The following XKR6 variants were observed in gnomAD, a reference collection of about 807,000 sequenced individuals.
The protein encoded by XKR6 is XK-related protein 6.
A neutral mutation model predicts 56.7 loss-of-function variants in XKR6; 22 were observed. The ratio of observed to expected loss-of-function variants is 0.39; its 90% CI spans 0.28 to 0.55. The LOEUF is 0.55. XKR6 is among the 20% of genes least tolerant of loss of function. The pLI, the probability that XKR6 is intolerant of heterozygous loss-of-function variation, is 0.66. For synonymous variants in XKR6, 524 were observed against 387.8 expected (o/e 1.35, Z -4.13); for missense variants, 852 against 889.0 (o/e 0.96, Z 0.53).
At chr8:11,039,556 A>C (rs1799231813) in intron 1 of XKR6, among the ~76,000 whole-genome samples, 2 of 152,224 alleles carry the variant, frequency 1.3e-5, no homozygotes, top group Non-Finnish European at 2.9e-5. Flanking sequence ...GGGCCACCAA[A>C]GAACTTGGAA....
intron 1 of XKR6, among the ~76,000 whole-genome samples, chr8:11,185,968 A>G (rs921573183): frequency 4.6e-5 from 7 of 152,196 alleles, no homozygotes; most frequent in African/African-American, 1.7e-4. Context: ...CTATTTCTGT[A>G]CCACCCTCAG....
intron 1 of XKR6, among the ~76,000 whole-genome samples, chr8:11,042,090 T>C (rs1382533077): frequency 6.6e-6 from 1 of 152,154 alleles, no homozygotes. Flanking sequence ...CCTGTCTGAT[T>C]TTCCCGTTTT....
At chr8:10,926,813 C>T (rs756112079) in intron 1 of XKR6, among the ~76,000 whole-genome samples, 1 of 152,206 alleles carries the variant, frequency 6.6e-6, no homozygotes, top group African/African-American at 2.4e-5. Flanking sequence ...GGCCCCTGCC[C>T]GTGAGTTCAC....
At chr8:11,010,688 T>C (rs1035587801) in intron 1 of XKR6, among the ~76,000 whole-genome samples, 2 of 152,222 alleles carry the variant, frequency 1.3e-5, no homozygotes, top group African/African-American at 4.8e-5. Flanking sequence ...TTAAAACAAC[T>C]TTTCCCCCAG....
At chr8:10,970,528 G>A (rs1027236395) in intron 1 of XKR6, among the ~76,000 whole-genome samples, 10 of 151,878 alleles carry the variant, frequency 6.6e-5, no homozygotes, top group African/African-American at 2.4e-4. Context: ...TCACAGCCCA[G>A]AAATGCCCCA....
chr8:11,088,008 C>T (rs1797947269), intron 1 of XKR6, among the ~76,000 whole-genome samples: 1 of 152,212 alleles, frequency 6.6e-6, no homozygotes. Context: ...AGTATTGCCA[C>T]TGTCAGATTG....
In XKR6 at chr8:11,038,540, T is replaced by C. The variant is rs2129154867; in HGVS notation, c.765-113710A>G. ...GTGTGTGTGTGTGTGTGTGTGTGTG[T>C]GTGTGTGTGTTTGAGGCAGGGTCTC... On this transcript the variant is annotated intron_variant, in intron 1 of 2. Transcript: ENST00000416569. Among the ~76,000 whole-genome samples the C allele has an allele frequency of 2.0e-5, 3 of 146,788 alleles. No homozygotes were observed. The South Asian group carries it at 6.4e-4, about 32-fold the overall frequency.
intron 1 of XKR6, among the ~76,000 whole-genome samples, chr8:10,930,133 C>T (rs1801013180): frequency 6.6e-6 from 1 of 152,166 alleles, no homozygotes; most frequent in African/African-American, 2.4e-5. Context: ...TATGGCTCTG[C>T]CCAAGACTGG....
chr8:11,074,787 G>A (rs1181573694), intron 1 of XKR6, among the ~76,000 whole-genome samples: 2 of 152,242 alleles, frequency 1.3e-5, no homozygotes, highest in Non-Finnish European at 2.9e-5. Flanking sequence ...AGACCTCTGT[G>A]ATAGGATCAC....
intron 1 of XKR6, among the ~76,000 whole-genome samples, chr8:11,089,314 C>A (rs1372615893): frequency 1.3e-5 from 2 of 152,202 alleles, no homozygotes; most frequent in Non-Finnish European, 2.9e-5. Flanking sequence ...TACACTCACG[C>A]CAGCCTGGGG....
chr8:11,098,119 C>T (rs376162565), intron 1 of XKR6, among the ~76,000 whole-genome samples: 1 of 152,102 alleles, frequency 6.6e-6, no homozygotes, highest in African/African-American at 2.4e-5. Flanking sequence ...CTGGCTTCGA[C>T]TTCCGGCTTG....
intron 1 of XKR6, among the ~76,000 whole-genome samples, chr8:10,939,506 T>G (rs369749865): frequency 6.6e-6 from 1 of 152,332 alleles, no homozygotes; most frequent in Middle Eastern, 3.4e-3. Context: ...AGGGGTGACC[T>G]CACTGCCTAC....
chr8:11,136,675 G>C (rs1489151645), intron 1 of XKR6, among the ~76,000 whole-genome samples: 1 of 152,108 alleles, frequency 6.6e-6, no homozygotes, highest in Non-Finnish European at 1.5e-5. Context: ...ACCACGTGAA[G>C]ACAGCAAGAA....
rs1799897678 is a variant in XKR6 at position 10,896,871 on chromosome 8, G to A, written c.*1081C>T. The A allele has an allele frequency of 6.6e-6, 1 of 152,442 alleles. No individual in the cohort carries two copies. Among genetic ancestry groups the A allele is most frequent in the South Asian group, 2.1e-4 (1 of 4,828 alleles). The allele number at this position is 152,442 out of a possible 1,614,324, so 9.4% of individuals were successfully genotyped here. A position where few individuals can be genotyped will look rare whatever the true frequency, so the allele number is the denominator to read the frequency against. On this transcript the variant is annotated 3_prime_UTR_variant, in exon 3 of 3. Coordinates refer to ENST00000416569, the MANE Select transcript of XKR6 (RefSeq NM_173683.4). Reference sequence around the variant, plus strand: ...GAAGAGGCTTTACACAATATCACATGTGATAAATGTCTACCATTCACAGCC... The same window carrying A: ...GAAGAGGCTTTACACAATATCACATATGATAAATGTCTACCATTCACAGCC...
At chr8:10,955,974 G>T (rs993674225) in intron 1 of XKR6, among the ~76,000 whole-genome samples, 1 of 152,218 alleles carries the variant, frequency 6.6e-6, no homozygotes, top group Non-Finnish European at 1.5e-5. Flanking sequence ...CGGTGAGAGG[G>T]TGAGGGCAAG....
chr8:11,056,217 A>G (rs1248475165), intron 1 of XKR6, among the ~76,000 whole-genome samples: 1 of 152,186 alleles, frequency 6.6e-6, no homozygotes, highest in Non-Finnish European at 1.5e-5. Flanking sequence ...CAGAAGCAAA[A>G]TGAGCCTGAT....
At chr8:11,076,235 G>A (rs1298087531) in intron 1 of XKR6, among the ~76,000 whole-genome samples, 8 of 152,168 alleles carry the variant, frequency 5.3e-5, no homozygotes, top group Non-Finnish European at 5.9e-5. Flanking sequence ...GAATGGGGAG[G>A]TGCTGTTTAA....
At chr8:11,090,699 C>T (rs1798037437) in intron 1 of XKR6, among the ~76,000 whole-genome samples, 1 of 152,104 alleles carries the variant, frequency 6.6e-6, no homozygotes, top group African/African-American at 2.4e-5. Context: ...AGTGCCTGTT[C>T]ATATTTTTTG....
chr8:11,058,704 G>T (rs144585745), intron 1 of XKR6, among the ~76,000 whole-genome samples: 1 of 152,160 alleles, frequency 6.6e-6, no homozygotes, highest in Non-Finnish European at 1.5e-5. Context: ...GGGTCAAGTC[G>T]AGGGAGAGCA....
Sources: allele counts gnomAD v4.1 joint callset (sites outside exome capture counted in the v4.1 genomes callset), GRCh38; gene constraint gnomAD v4.1.1; transcripts MANE v1.5; gene names NCBI Gene and HGNC (gene_info 2026-07-23, HGNC 2026-07-21).